SCLY: variants seen among roughly 807,000 people sequenced by gnomAD.
The protein encoded by SCLY is putative selenocysteine lyase.
A neutral mutation model predicts 50.1 loss-of-function variants in SCLY; 38 were observed. The ratio of observed to expected loss-of-function variants is 0.76; its 90% CI spans 0.59 to 0.99. The LOEUF (loss-of-function observed/expected upper bound fraction) is 0.99. Among genes scored for constraint, SCLY ranks in the 50% least tolerant of loss-of-function variants. The probability of loss-of-function intolerance (pLI) is 0.00; values close to 1 mark genes in which losing one functional copy is unlikely to be tolerated. For synonymous variants in SCLY, 243 were observed against 249.4 expected, an observed-to-expected ratio of 0.97 and a Z score of 0.24; for missense variants, 600 against 620.0, an observed-to-expected ratio of 0.97 and a Z score of 0.34.
intron 2 of SCLY, among the ~76,000 whole-genome samples, chr2:238,065,778 G>T (rs917228804): frequency 6.6e-6 from 1 of 151,710 alleles, no homozygotes; most frequent in Non-Finnish European, 1.5e-5. Flanking sequence ...GGATTCAAGC[G>T]ATTCTTCTGC....
Position 238,081,707 on chromosome 2 carries a change from A to T in SCLY, c.485-2A>T. On this transcript the variant is annotated splice_acceptor_variant, in intron 4 of 11. Coordinates refer to ENST00000254663, the MANE Select transcript of SCLY (RefSeq NM_016510.7). LOFTEE classifies it high-confidence loss of function. ...AGTTCGGTACTCATGTTTGTTTCCC[A>T]GCGGTCACCTTTGTCCCGGTGTCCA... 1 of 1,613,000 alleles carries T rather than the reference A, an allele frequency of 6.2e-7. No homozygotes were observed. The highest frequency in any genetic ancestry group is 8.5e-7 in the Non-Finnish European group (1 of 1,179,078).
chr2:238,069,378 A>G lies in SCLY; in HGVS notation c.385A>G (p.Ser129Gly). The change falls in exon 4 of 12, where the codon AGC becomes GGC. Residue 129 changes from serine to glycine, a missense_variant. Ser to Gly is a moderately conservative substitution (Grantham distance 56). Coordinates refer to ENST00000254663, the MANE Select transcript of SCLY (RefSeq NM_016510.7). This position sits in a 1 kb window ranked among gnomAD's most constrained non-coding sequence, Gnocchi z 5.0. ...AAAGGGACACACAGGTGGGCACCACAGCCCAGTGAAGGGGGCCAAGCCCCA... is the reference window on the plus strand; with the variant it reads ...AAAGGGACACACAGGTGGGCACCACGGCCCAGTGAAGGGGGCCAAGCCCCA... ...TSKGHTGGHH[S>G]PVKGAKPHFI... 6.2e-7 allele frequency: 1 copy of G among 1,614,218 alleles called. No homozygotes were observed. Among genetic ancestry groups the G allele is most frequent in the Non-Finnish European group, 8.5e-7 (1 of 1,180,016 alleles).
At chr2:238,065,226 T>C (rs2065057114) in intron 2 of SCLY, 1 of 152,262 alleles carries the variant, frequency 6.6e-6, no homozygotes, top group African/African-American at 2.4e-5. Flanking sequence ...TCACGGCAAC[T>C]TAATAACAAA....
In SCLY at chr2:238,098,537, CAG is replaced by C. The variant is rs1691299695; in HGVS notation, c.*183_*184del. Reference sequence around the variant, plus strand: ...CTTCCCTGGACCCCTGCAGAGCTCACAGGGCCCAGGACACCAACGCCGCATAG... The same window carrying C: ...CTTCCCTGGACCCCTGCAGAGCTCACGGCCCAGGACACCAACGCCGCATAG... On this transcript the variant is annotated 3_prime_UTR_variant, in exon 12 of 12. Transcript: ENST00000254663. The C allele has an allele frequency of 3.3e-6, 2 of 607,238 alleles. No homozygotes were observed. The highest frequency in any genetic ancestry group is 6.5e-5 in the East Asian group (2 of 30,742). 37.6% of individuals were successfully genotyped at this position (607,238 alleles called of 1,614,324 possible). A position where few individuals can be genotyped will look rare whatever the true frequency, so the allele number is the denominator to read the frequency against.
intron 7 of SCLY, among the ~76,000 whole-genome samples, chr2:238,090,815 C>T (rs932246257): frequency 7.2e-5 from 11 of 151,996 alleles, no homozygotes; most frequent in Non-Finnish European, 1.6e-4. Context: ...CACACACACA[C>T]CCCTCTTGTT....
chr2:238,078,319 A>T (rs2106443757), intron 4 of SCLY, among the ~76,000 whole-genome samples: 1 of 152,218 alleles, frequency 6.6e-6, no homozygotes, highest in East Asian at 1.9e-4. Flanking sequence ...ATTCACACTT[A>T]ATGTTACTAT....
rs1691316502 is a variant in SCLY at position 238,098,605 on chromosome 2, A to AGAACCGTCCACATAGGACCGCCCACATG, written c.*251_*252insAACCGTCCACATAGGACCGCCCACATGG. ...ACCGCCCACATAGGACCGCCCACAT[A>AGAACCGTCCACATAGGACCGCCCACATG]GGACCGCCCACATGGGACCGCCCAC... On this transcript the variant is annotated 3_prime_UTR_variant, in exon 12 of 12. Transcript: ENST00000254663. 2 of 303,218 alleles carry AGAACCGTCCACATAGGACCGCCCACATG rather than the reference A, an allele frequency of 6.6e-6. 1 individual carries two copies. The highest frequency in any genetic ancestry group is 9.1e-5 in the African/African-American group (2 of 22,044). 18.8% of individuals were successfully genotyped at this position (303,218 alleles called of 1,614,324 possible).
intron 4 of SCLY, among the ~76,000 whole-genome samples, chr2:238,078,247 C>T (rs1166698718): frequency 6.6e-6 from 1 of 152,122 alleles, no homozygotes; most frequent in Non-Finnish European, 1.5e-5. Flanking sequence ...AGCCACTGCA[C>T]CCGGCCAGTT....
At chr2:238,084,156 G>C (rs573127748) in intron 7 of SCLY, among the ~76,000 whole-genome samples, 1 of 152,276 alleles carries the variant, frequency 6.6e-6, no homozygotes, top group South Asian at 2.1e-4. Context: ...CCACCACCGG[G>C]TGTGTCAAGA....
At chr2:238,096,619 G>A (rs942300601) in intron 10 of SCLY, among the ~76,000 whole-genome samples, 182 bp from the exon 11 acceptor site, 1 of 152,258 alleles carries the variant, frequency 6.6e-6, no homozygotes, top group Non-Finnish European at 1.5e-5. Context: ...AGGGAGAAAG[G>A]AAGCGTTTTC....
rs539704341 is a variant in SCLY, at chr2:238,081,487, A to T, written c.485-222A>T. 9 of 537,102 alleles carry T rather than the reference A, an allele frequency of 1.7e-5. No individual in the cohort carries two copies. The East Asian group carries it at 2.6e-4, about 15-fold the overall frequency. 33.3% of individuals were successfully genotyped at this position (537,102 alleles called of 1,614,324 possible). A position where few individuals can be genotyped will look rare whatever the true frequency, so the allele number is the denominator to read the frequency against. On this transcript the variant is annotated intron_variant, in intron 4 of 11. Transcript: ENST00000254663. Reference sequence around the variant, plus strand: ...AAGGCACACAGCTTCCACGACACAGATTCACTGACTGCAGCCGCGTTAAAG... The same window carrying T: ...AAGGCACACAGCTTCCACGACACAGTTTCACTGACTGCAGCCGCGTTAAAG...
chr2:238,083,343 T>C lies in SCLY; in HGVS notation c.873T>C (p.Asn291=). 1 of 1,610,462 alleles carries C rather than the reference T, an allele frequency of 6.2e-7. No homozygotes were observed. Among genetic ancestry groups the C allele is most frequent in the Non-Finnish European group, 8.5e-7 (1 of 1,176,644 alleles). Residue 291 remains asparagine, a synonymous_variant, in exon 7 of 12, where the codon AAT becomes AAC. Coordinates refer to ENST00000254663, the MANE Select transcript of SCLY (RefSeq NM_016510.7). This position sits in a 1 kb window ranked among gnomAD's most constrained non-coding sequence, Gnocchi z 4.3. ...PMLFGGGQER[N]FRPGTENTPM... ...TATTTGGAGGTGGACAAGAACGGAA[T>C]TTCAGGCCAGGGTAAGGCAGAAAGT...
At chr2:238,063,453 C>A (rs2065038539) in intron 1 of SCLY, among the ~76,000 whole-genome samples, 1 of 152,106 alleles carries the variant, frequency 6.6e-6, no homozygotes, top group African/African-American at 2.4e-5. Context: ...AAACTCCTAA[C>A]CTCAAGTGAT....
rs761036731 is a variant in SCLY at position 238,082,153 on chromosome 2, C to G, written c.721C>G (p.Gln241Glu). Residue 241 changes from glutamine (Q) to glutamate (E), a missense_variant, in exon 6 of 12, where the codon CAG becomes GAG. Gln to Glu is a conservative substitution (Grantham distance 29). Coordinates refer to ENST00000254663, the MANE Select transcript of SCLY (RefSeq NM_016510.7). ...GGATGCTGCACAGGCCTTGGGGAAG[C>G]AGCGCGTGGATGTGGAGGACCTGGG... ...HTDAAQALGK[Q>E]RVDVEDLGVD... 1.2e-5 allele frequency: 20 copies of G among 1,612,624 alleles called. No homozygotes were observed. The highest frequency in any genetic ancestry group is 1.7e-5 in the Non-Finnish European group (20 of 1,179,958).
intron 10 of SCLY, 26 bp downstream of exon 10, chr2:238,094,548 C>A: frequency 1.3e-6 from 2 of 1,574,802 alleles, no homozygotes; most frequent in Non-Finnish European, 1.7e-6. Context: ...CCTGGTCTTT[C>A]CGAGTGTGAG....
rs1478859104 is a variant in SCLY, at chr2:238,066,215, G to A, written c.202+1746G>A. On this transcript the variant is annotated intron_variant, in intron 2 of 11. Coordinates refer to ENST00000254663, the MANE Select transcript of SCLY (RefSeq NM_016510.7). This position sits in a 1 kb window ranked among gnomAD's most constrained non-coding sequence, Gnocchi z 4.1. ...GAAGTCTCTTTACTGCCTGTTGCTG[G>A]AAGATAGCTGGCGCTCATACCTCCC... is the stretch of plus-strand genomic sequence containing the variant. Among the ~76,000 whole-genome samples the A allele has an allele frequency of 6.6e-6, 1 of 152,234 alleles. No individual in the cohort carries two copies. The highest frequency in any genetic ancestry group is 1.5e-5 in the Non-Finnish European group (1 of 68,038).
Position 238,096,830 on chromosome 2 carries a change from C to T in SCLY, c.1138C>T (p.Leu380=). The T allele has an allele frequency of 6.2e-7, 1 of 1,612,398 alleles. No homozygotes were observed. The highest frequency in any genetic ancestry group is 1.7e-5 in the Admixed American group (1 of 59,856). ...GHVVLAQCRV[L]MASVGAACHS... is the part of the protein sequence containing the mutation. ...CGTGGTGCTTGCGCAGTGCCGAGTG[C>T]TGATGGCCAGTGTGGGGGCCGCGTG... Residue 380 remains leucine, a synonymous_variant, in exon 11 of 12, where the codon CTG becomes TTG. Transcript: ENST00000254663.
In SCLY at chr2:238,067,538, A is replaced by G. The variant is rs1012461305; in HGVS notation, c.203-527A>G. Among the ~76,000 whole-genome samples the G allele has an allele frequency of 1.3e-5, 2 of 152,228 alleles. No individual in the cohort carries two copies. The highest frequency in any genetic ancestry group is 4.8e-5 in the African/African-American group (2 of 41,466). ...GTGAAACTGGGTGATGGCCGGATGC[A>G]TAGCCCTGTTTGAAAGCAGGTGTGT... On this transcript the variant is annotated intron_variant, in intron 2 of 11. Coordinates refer to ENST00000254663, the MANE Select transcript of SCLY (RefSeq NM_016510.7). The surrounding 1 kb of genome is among the most constrained non-coding windows in gnomAD (Gnocchi z 4.3).
chr2:238,069,154 T>C lies in SCLY; in HGVS notation c.304-143T>C. ...TGAATGTTGGAAAACCCCAAATCTT[T>C]CAAAAGGTCCCACTCAGGAAGTTGA... On this transcript the variant is annotated intron_variant, in intron 3 of 11. Coordinates refer to ENST00000254663, the MANE Select transcript of SCLY (RefSeq NM_016510.7). This position sits in a 1 kb window ranked among gnomAD's most constrained non-coding sequence, Gnocchi z 5.0. The C allele has an allele frequency of 1.4e-6, 1 of 690,372 alleles. No individual in the cohort carries two copies. Among genetic ancestry groups the C allele is most frequent in the Non-Finnish European group, 2.4e-6 (1 of 418,044 alleles). The allele number at this position is 690,372 out of a possible 1,614,324, so 42.8% of individuals were successfully genotyped here. A position where few individuals can be genotyped will look rare whatever the true frequency, so the allele number is the denominator to read the frequency against.
Sources: gnomAD v4.1 joint callset for allele counts (sites outside exome capture counted in the v4.1 genomes callset) on GRCh38, gnomAD v4.1.1 for gene constraint, Gnocchi (gnomAD v3.1) non-coding constraint, MANE v1.5 for transcripts, NCBI Gene and HGNC (gene_info 2026-07-23, HGNC 2026-07-21) for gene names.